The following PRKCE variants were observed in gnomAD, a reference collection of about 807,000 sequenced individuals.
PRKCE encodes the protein protein kinase C epsilon.
PRKCE carries 16 observed loss-of-function variants against 85.4 expected under a neutral mutation model. The ratio of observed to expected loss-of-function variants is 0.19; its 90% CI spans 0.13 to 0.28. PRKCE has a LOEUF of 0.28. PRKCE is among the 10% of genes least tolerant of loss of function. The pLI is 1.00. For missense variants in PRKCE, 573 were observed against 975.2 expected, an observed-to-expected ratio of 0.59 and a Z score of 5.49; for synonymous variants, 388 against 371.5, an observed-to-expected ratio of 1.04 and a Z score of -0.51.
chr2:45,711,158 A>C (rs1280988617), intron 1 of PRKCE, among the ~76,000 whole-genome samples: 1 of 152,254 alleles, frequency 6.6e-6, no homozygotes, highest in East Asian at 1.9e-4. Context: ...CTCTATGTGC[A>C]GCCACAGGCA....
intron 1 of PRKCE, among the ~76,000 whole-genome samples, chr2:45,677,331 G>GTT (rs1553375032): frequency 5.5e-5 from 6 of 108,570 alleles, no homozygotes; most frequent in South Asian, 6.4e-4. Flanking sequence ...TTTTTTTTTT[G>GTT]TTTTTTTTTT....
At chr2:46,181,201 C>G (rs2594491) in intron 14 of PRKCE, among the ~76,000 whole-genome samples, 89,239 of 152,014 alleles carry the variant, frequency 0.59, 27,460 homozygotes, top group African/African-American at 0.78. Flanking sequence ...GCAAATTTGA[C>G]GATGCTGTGC....
chr2:46,029,685 G>GT (rs10658922), intron 10 of PRKCE, among the ~76,000 whole-genome samples: 31,034 of 146,188 alleles, frequency 0.21, 4,057 homozygotes, highest in African/African-American at 0.36. Flanking sequence ...CGTCGTATGG[G>GT]TTTTTTTTTT....
intron 11 of PRKCE, among the ~76,000 whole-genome samples, chr2:46,110,430 C>G (rs1308526829): frequency 2.0e-5 from 3 of 152,160 alleles, no homozygotes; most frequent in Non-Finnish European, 2.9e-5. Context: ...TAGTTTGTAT[C>G]TTTCACAGAA....
At chr2:45,660,456 T>C (rs928831536) in intron 1 of PRKCE, among the ~76,000 whole-genome samples, 5 of 152,068 alleles carry the variant, frequency 3.3e-5, no homozygotes, top group Middle Eastern at 3.2e-3. Flanking sequence ...CCAGGTGCCA[T>C]GGTGAGGGAA....
intron 1 of PRKCE, among the ~76,000 whole-genome samples, chr2:45,686,525 G>C (rs1677312384): frequency 6.6e-6 from 1 of 152,138 alleles, no homozygotes; most frequent in Admixed American, 6.5e-5. Flanking sequence ...AAATGATAAG[G>C]TAATACAGTG....
chr2:46,177,384 A>C (rs1574676224), intron 14 of PRKCE, among the ~76,000 whole-genome samples: 1 of 152,220 alleles, frequency 6.6e-6, no homozygotes, highest in Non-Finnish European at 1.5e-5. Flanking sequence ...GAAATTTATG[A>C]TCTCATGGTT....
chr2:45,710,525 A>G (rs1244514929), intron 1 of PRKCE, among the ~76,000 whole-genome samples: 3 of 152,198 alleles, frequency 2.0e-5, no homozygotes, highest in Admixed American at 6.5e-5. Context: ...TTTCTTCTGT[A>G]TATTTTCCTG....
chr2:45,760,267 C>A (rs565333415), intron 1 of PRKCE, among the ~76,000 whole-genome samples: 1 of 152,272 alleles, frequency 6.6e-6, no homozygotes, highest in East Asian at 1.9e-4. Flanking sequence ...AATAGAAAAT[C>A]AAGGCCACAG....
chr2:45,757,828 G>A (rs551434411), intron 1 of PRKCE, among the ~76,000 whole-genome samples: 8 of 152,136 alleles, frequency 5.3e-5, no homozygotes, highest in Non-Finnish European at 1.2e-4. Context: ...AGCGTGCTTA[G>A]GATGGCAGGG....
intron 8 of PRKCE, among the ~76,000 whole-genome samples, chr2:46,005,712 G>T (rs368802855): frequency 2.2e-4 from 34 of 152,106 alleles, no homozygotes; most frequent in African/African-American, 7.5e-4. Context: ...AGCTTCGGGG[G>T]TCATGCACCA....
intron 1 of PRKCE, among the ~76,000 whole-genome samples, chr2:45,748,835 C>T (rs1272049255): frequency 6.6e-6 from 1 of 151,924 alleles, no homozygotes; most frequent in Non-Finnish European, 1.5e-5. Flanking sequence ...CTTTGAAAAC[C>T]AAGTAAACAG....
intron 11 of PRKCE, among the ~76,000 whole-genome samples, chr2:46,119,528 C>T (rs1334557527): frequency 1.3e-5 from 2 of 152,088 alleles, no homozygotes; most frequent in Non-Finnish European, 2.9e-5. Context: ...TTCCGAATTC[C>T]CCTAATTTCT....
chr2:46,167,379 G>A (rs1464392710), intron 14 of PRKCE, among the ~76,000 whole-genome samples: 1 of 152,044 alleles, frequency 6.6e-6, no homozygotes, highest in Non-Finnish European at 1.5e-5. Context: ...CTTGGATGGT[G>A]TTGATGGTGT....
At chr2:45,708,385 T>A (rs934696316) in intron 1 of PRKCE, among the ~76,000 whole-genome samples, 2 of 152,144 alleles carry the variant, frequency 1.3e-5, no homozygotes, top group African/African-American at 4.8e-5. Context: ...AATTCCCACA[T>A]GTTGTGGGAA....
chr2:46,164,067 A>C (rs988506354), intron 14 of PRKCE, among the ~76,000 whole-genome samples: 1 of 152,246 alleles, frequency 6.6e-6, no homozygotes, highest in Non-Finnish European at 1.5e-5. Context: ...TAAGGTATCA[A>C]ATAACTTGAG....
intron 2 of PRKCE, among the ~76,000 whole-genome samples, chr2:45,883,688 T>C (rs950378079): frequency 6.6e-6 from 1 of 152,200 alleles, no homozygotes. Flanking sequence ...CTACACTCCC[T>C]ATATGATGTC....
intron 1 of PRKCE, among the ~76,000 whole-genome samples, chr2:45,667,310 CA>C (rs929054740): frequency 2.6e-5 from 4 of 151,552 alleles, no homozygotes; most frequent in South Asian, 2.1e-4. Flanking sequence ...GACTCTGTCT[CA>C]AAAAAAAATT....
intron 1 of PRKCE, among the ~76,000 whole-genome samples, chr2:45,665,023 C>T (rs1460758905): frequency 6.6e-6 from 1 of 152,196 alleles, no homozygotes; most frequent in Non-Finnish European, 1.5e-5. Context: ...CTTTCCACCA[C>T]GATGTTGGAA....
Sources: allele counts gnomAD v4.1 joint callset (sites outside exome capture counted in the v4.1 genomes callset), GRCh38; gene constraint gnomAD v4.1.1; transcripts MANE v1.5; gene names NCBI Gene and HGNC (gene_info 2026-07-23, HGNC 2026-07-21).